Variants in C6orf52 observed in about 807,000 individuals in gnomAD.
C6orf52 encodes the protein putative uncharacterized protein C6orf52.
In C6orf52, 16 loss-of-function variants were observed where a neutral mutation model predicts 16.6. The ratio of observed to expected loss-of-function variants is 0.96; its 90% CI spans 0.65 to 1.46. The LOEUF (loss-of-function observed/expected upper bound fraction) is 1.46, where lower values mean the gene tolerates loss of function less well. Among genes scored for constraint, C6orf52 ranks in the 40% most tolerant of loss-of-function variants. The pLI, the probability that C6orf52 is intolerant of heterozygous loss-of-function variation, is 0.00. For synonymous variants in C6orf52, 53 were observed against 61.4 expected (o/e 0.86, Z 0.64); for missense variants, 166 against 182.3 (o/e 0.91, Z 0.52).
intron 4 of C6orf52, among the ~76,000 whole-genome samples, chr6:10,680,943 G>A (rs1442492470): frequency 6.6e-6 from 1 of 151,998 alleles, no homozygotes; most frequent in Non-Finnish European, 1.5e-5. Context: ...TGGGACTATA[G>A]GTACATGCTA....
chr6:10,689,979 C>T (rs1485379130), intron 1 of C6orf52, among the ~76,000 whole-genome samples: 1 of 152,052 alleles, frequency 6.6e-6, no homozygotes, highest in Non-Finnish European at 1.5e-5. Flanking sequence ...TTTTTTTTCT[C>T]TCACTTTAGG....
intron 4 of C6orf52, among the ~76,000 whole-genome samples, chr6:10,677,539 T>C (rs991055247): frequency 6.6e-6 from 1 of 150,724 alleles, no homozygotes; most frequent in African/African-American, 2.5e-5. Flanking sequence ...TTTTTTCTTT[T>C]TTTTTTTCCC....
At chr6:10,681,092 C>T (rs572254569) in intron 4 of C6orf52, among the ~76,000 whole-genome samples, 39 of 152,302 alleles carry the variant, frequency 2.6e-4, no homozygotes, top group African/African-American at 9.1e-4. Flanking sequence ...CATTATCCAC[C>T]AGGCCTGGCC....
intron 3 of C6orf52, 70 bp from the exon 4 acceptor site, chr6:10,683,302 G>T: frequency 2.1e-6 from 2 of 935,058 alleles, no homozygotes; most frequent in Non-Finnish European, 3.2e-6. Context: ...ATACTTTATT[G>T]GGAAAAACTC....
intron 4 of C6orf52, among the ~76,000 whole-genome samples, chr6:10,676,505 T>C (rs1203683751): frequency 6.6e-6 from 1 of 152,214 alleles, no homozygotes; most frequent in Admixed American, 6.5e-5. Context: ...AAAAGCTACC[T>C]AAGGAATAGG....
At chr6:10,694,623 A>G (rs2127477022), upstream of C6orf52, 4 of 189,600 alleles carry the variant, frequency 2.1e-5, no homozygotes, top group South Asian at 9.2e-5. Context: ...AGTCGGCCCC[A>G]CCTCCTCCTG....
In C6orf52 at chr6:10,671,479, T is replaced by A; in HGVS notation, c.436A>T (p.Ile146Phe). The A allele has an allele frequency of 6.5e-7, 1 of 1,547,436 alleles. No homozygotes were observed. Among genetic ancestry groups the A allele is most frequent in the Non-Finnish European group, 8.7e-7 (1 of 1,145,968 alleles). Reference sequence around the variant, plus strand: ...CTTCACTTCGGGGTCTCATCTGGGATTTCGGAGTGAACTGTGTCCAGAGGC... The same window carrying A: ...CTTCACTTCGGGGTCTCATCTGGGAATTCGGAGTGAACTGTGTCCAGAGGC... ...WQPLDTVHSE[I>F]PDETPK The change falls in exon 5 of 5, where the codon ATC becomes TTC. Residue 146 changes from isoleucine (I) to phenylalanine (F), a missense_variant. Physicochemically the swap from Ile to Phe is conservative, Grantham distance 21. Transcript: ENST00000259983.
At chr6:10,672,263 C>A (rs751645020) in intron 4 of C6orf52, among the ~76,000 whole-genome samples, 1 of 151,964 alleles carries the variant, frequency 6.6e-6, no homozygotes, top group African/African-American at 2.4e-5. Context: ...ATGGAAGAAG[C>A]CTTTTATGTT....
intron 4 of C6orf52, 35 bp from the exon 5 acceptor site, chr6:10,671,633 A>T: frequency 7.0e-7 from 1 of 1,429,356 alleles, no homozygotes; most frequent in South Asian, 1.3e-5. Context: ...AAAAAAATAG[A>T]GTTTTACAGG....
At chr6:10,689,082 A>AT (rs777639378) in intron 1 of C6orf52, among the ~76,000 whole-genome samples, 1 of 152,186 alleles carries the variant, frequency 6.6e-6, no homozygotes, top group African/African-American at 2.4e-5. Flanking sequence ...GGTGCAAGTG[A>AT]TTCTCCTGCC....
At chr6:10,686,832 A>G in intron 3 of C6orf52, 134 bp downstream of exon 3, 1 of 644,838 alleles carries the variant, frequency 1.6e-6, no homozygotes, top group Non-Finnish European at 2.7e-6. Flanking sequence ...TTTACTCTCT[A>G]GTATTAAAAC....
At chr6:10,683,813 T>G (rs1768616276) in intron 3 of C6orf52, among the ~76,000 whole-genome samples, 1 of 152,232 alleles carries the variant, frequency 6.6e-6, no homozygotes, top group African/African-American at 2.4e-5. Flanking sequence ...AAAGTAAATC[T>G]TGGTTGGTTA....
At chr6:10,683,583 T>TA (rs1224423309) in intron 3 of C6orf52, among the ~76,000 whole-genome samples, 1 of 152,216 alleles carries the variant, frequency 6.6e-6, no homozygotes, top group Non-Finnish European at 1.5e-5. Context: ...TTTCTTGTAC[T>TA]ACATGCCTGA....
intron 1 of C6orf52, among the ~76,000 whole-genome samples, chr6:10,693,751 AG>A (rs1769569585): frequency 6.6e-6 from 1 of 152,090 alleles, no homozygotes; most frequent in Non-Finnish European, 1.5e-5. Flanking sequence ...TTTCTTTGAA[AG>A]GGGGCCTGGC....
At chr6:10,684,425 A>G (rs963414361) in intron 3 of C6orf52, among the ~76,000 whole-genome samples, 2 of 152,240 alleles carry the variant, frequency 1.3e-5, no homozygotes, top group Non-Finnish European at 2.9e-5. Context: ...TCCTCCTTTC[A>G]GTGTGTGTTC....
intron 4 of C6orf52, 21 bp from the exon 5 acceptor site, chr6:10,671,619 T>G (rs1767431747): frequency 6.7e-7 from 1 of 1,494,708 alleles, no homozygotes; most frequent in Non-Finnish European, 9.0e-7. Flanking sequence ...CAATAATGGA[T>G]ATGAAAAAAA....
rs60333007 is a variant in C6orf52 at position 10,694,599 on chromosome 6, A to C, written c.-117T>G. On this transcript the variant is annotated 5_prime_UTR_variant, in exon 1 of 5. Transcript: ENST00000259983. ...CACGCTGCCGGCGCTACAGCCCCTA[A>C]GCAACCGGCCGGAAGTCGGCCCCAC... The C allele has an allele frequency of 0.071, 12,712 of 178,258 alleles. 1,449 individuals carry two copies. Among genetic ancestry groups the C allele is most frequent in the African/African-American group, 0.26 (10,826 of 42,242 alleles). 11.0% of individuals were successfully genotyped at this position (178,258 alleles called of 1,614,324 possible).
At chr6:10,681,302 T>A (rs1462664463) in intron 4 of C6orf52, among the ~76,000 whole-genome samples, 2 of 152,196 alleles carry the variant, frequency 1.3e-5, no homozygotes, top group Non-Finnish European at 2.9e-5. Flanking sequence ...GTGATATCAG[T>A]TGTAATGTCT....
intron 3 of C6orf52, chr6:10,684,928 A>G (rs1581554036): frequency 7.9e-7 from 1 of 1,270,794 alleles, no homozygotes. Context: ...GGGTCACTAC[A>G]GCCACAAAAG....
Sources: gnomAD v4.1 joint callset for allele counts (sites outside exome capture counted in the v4.1 genomes callset) on GRCh38, gnomAD v4.1.1 for gene constraint, MANE v1.5 for transcripts, NCBI Gene and HGNC (gene_info 2026-07-23, HGNC 2026-07-21) for gene names.